The following JSRP1 variants were observed in gnomAD, a reference collection of about 807,000 sequenced individuals.
The protein encoded by JSRP1 is junctional sarcoplasmic reticulum protein 1.
A neutral mutation model predicts 21.4 loss-of-function variants in JSRP1; 29 were observed. The ratio of observed to expected loss-of-function variants is 1.36; its 90% CI spans 1.01 to 1.85. The LOEUF (loss-of-function observed/expected upper bound fraction) is 1.85, where lower values mean the gene tolerates loss of function less well. Among genes scored for constraint, JSRP1 ranks in the 40% most tolerant of loss-of-function variants. The probability of loss-of-function intolerance (pLI) is 0.00; values close to 1 mark genes in which losing one functional copy is unlikely to be tolerated. For missense variants in JSRP1, 531 were observed against 461.5 expected, an observed-to-expected ratio of 1.15 and a Z score of -1.38; for synonymous variants, 221 against 206.1, an observed-to-expected ratio of 1.07 and a Z score of -0.62.
chr19:2,255,536 C>T (rs2025135020), intron 1 of JSRP1, among the ~76,000 whole-genome samples, 192 bp from the exon 2 acceptor site: 1 of 152,242 alleles, frequency 6.6e-6, no homozygotes, highest in South Asian at 2.1e-4. Flanking sequence ...CATGCCTGCC[C>T]TGGGACCCCT....
At position 2,254,314 on chromosome 19, in the gene JSRP1, C is replaced by G. The variant is rs368521402; in HGVS notation, c.148-13G>C. On this transcript the variant is annotated splice_polypyrimidine_tract_variant and intron_variant, in intron 3 of 6. Transcript: ENST00000300961. ...CCACCTGAGAGTCCTGTGGTTATCACGAGACATTCCACATGTTTCCTTCCA... is the reference window on the plus strand; with the variant it reads ...CCACCTGAGAGTCCTGTGGTTATCAGGAGACATTCCACATGTTTCCTTCCA... 1.9e-6 allele frequency: 3 copies of G among 1,593,566 alleles called. No homozygotes were observed. Among genetic ancestry groups the G allele is most frequent in the Non-Finnish European group, 1.7e-6 (2 of 1,165,044 alleles).
rs756762928 is a variant in JSRP1 at position 2,255,246 on chromosome 19, G to A, written c.69C>T (p.Asp23=). ...CCTGGGTCTCGGCCAGCGCAGAGTGGTCCTCCAGGGCCTGGCAGCTGCCCA... is the reference window on the plus strand; with the variant it reads ...CCTGGGTCTCGGCCAGCGCAGAGTGATCCTCCAGGGCCTGGCAGCTGCCCA... ...GGLGSCQALE[D]HSALAETQED... Residue 23 remains aspartate (D), a synonymous_variant, in exon 2 of 7, where the codon GAC becomes GAT. Coordinates refer to ENST00000300961, the MANE Select transcript of JSRP1 (RefSeq NM_144616.4). 1.2e-6 allele frequency: 2 copies of A among 1,611,324 alleles called. No individual in the cohort carries two copies. Among genetic ancestry groups the A allele is most frequent in the Middle Eastern group, 1.7e-4 (1 of 6,012 alleles).
rs138952376 is a variant in JSRP1 at position 2,255,231 on chromosome 19, G to A, written c.84C>T (p.Ala28=). The change falls in exon 2 of 7, where the codon GCC becomes GCT. Residue 28 remains alanine, a synonymous_variant. Coordinates refer to ENST00000300961, the MANE Select transcript of JSRP1 (RefSeq NM_144616.4). ...CTGAAGCCCTGTCCTCCTGGGTCTC[G>A]GCCAGCGCAGAGTGGTCCTCCAGGG... ...CQALEDHSAL[A]ETQEDRASAT... 124 of 1,608,608 alleles carry A rather than the reference G, an allele frequency of 7.7e-5. No individual in the cohort carries two copies. In the African/African-American group the frequency reaches 1.2e-3, roughly 16 times the overall value.
intron 1 of JSRP1, among the ~76,000 whole-genome samples, 186 bp from the exon 2 acceptor site, chr19:2,255,530 C>T (rs1250069897): frequency 1.3e-5 from 2 of 152,220 alleles, no homozygotes; most frequent in Non-Finnish European, 2.9e-5. Flanking sequence ...ACCCCGCATG[C>T]CTGCCCTGGG....
At chr19:2,255,156 C>T (rs1283398881) in intron 2 of JSRP1, 50 bp downstream of exon 2, 1 of 1,322,738 alleles carries the variant, frequency 7.6e-7, no homozygotes, top group Admixed American at 2.0e-5. Flanking sequence ...CCTCCTGGCT[C>T]AAGGGGACCA....
rs751184806 is a variant in JSRP1, at chr19:2,252,545, CCTCT to C, written c.776_779del (p.Glu259GlyfsTer93). 9 of 1,612,894 alleles carry C rather than the reference CCTCT, an allele frequency of 5.6e-6. No individual in the cohort carries two copies. The Admixed American group carries it at 6.7e-5, about 12-fold the overall frequency. The stretch of plus-strand genomic sequence containing the variant: ...CCCGTGGCCTCTCCTCTTTCCGCGG[CCTCT>C]CTTTCTTAGGTCTCTCCTCCTTCCG... On this transcript the variant is annotated frameshift_variant, in exon 7 of 7. Coordinates refer to ENST00000300961, the MANE Select transcript of JSRP1 (RefSeq NM_144616.4). LOFTEE classifies it low-confidence loss of function (END_TRUNC).
chr19:2,252,729 G>A lies in JSRP1; in HGVS notation c.596C>T (p.Pro199Leu). The A allele has an allele frequency of 6.2e-7, 1 of 1,612,544 alleles. No individual in the cohort carries two copies. The change falls in exon 7 of 7, where the codon CCC becomes CTC. Residue 199 changes from proline to leucine, a missense_variant. Pro to Leu is a moderately conservative substitution (Grantham distance 98). Transcript: ENST00000300961. ...AGCCTCCCGACTCCCGGGAATCTTGGGTCTGACCTCTGCCTCGGCCCGGGG... is the reference window on the plus strand; with the variant it reads ...AGCCTCCCGACTCCCGGGAATCTTGAGTCTGACCTCTGCCTCGGCCCGGGG... ...PAPRAEAEVR[P>L]KIPGSREAAE...
intron 1 of JSRP1, among the ~76,000 whole-genome samples, 159 bp from the exon 2 acceptor site, chr19:2,255,503 C>T (rs2025134587): frequency 6.6e-6 from 1 of 152,348 alleles, no homozygotes; most frequent in East Asian, 1.9e-4. Context: ...CCGGCGCCCA[C>T]TCCAGGCATC....
Position 2,253,736 on chromosome 19 carries a change from G to A in JSRP1, c.320C>T (p.Pro107Leu), listed in dbSNP as rs1219027808. 7 of 1,486,452 alleles carry A rather than the reference G, an allele frequency of 4.7e-6. No homozygotes were observed. The highest frequency in any genetic ancestry group is 5.3e-6 in the Non-Finnish European group (6 of 1,126,708). 92.1% of individuals were successfully genotyped at this position (1,486,452 alleles called of 1,614,324 possible). A position where few individuals can be genotyped will look rare whatever the true frequency, so the allele number is the denominator to read the frequency against. Residue 107 changes from proline to leucine, a missense_variant, in exon 5 of 7, where the codon CCG (proline) becomes CTG (leucine). Physicochemically the swap from Pro to Leu is moderately conservative, Grantham distance 98. Coordinates refer to ENST00000300961, the MANE Select transcript of JSRP1 (RefSeq NM_144616.4). ...CTCGCTCAGGGCCGGGGGCGGCGGC[G>A]GCGGCTGCAGGGGCGGCGCGGTCTG... The part of the protein sequence containing the change: ...KAQTAPPLQP[P>L]PPPPALSEEL...
intron 1 of JSRP1, among the ~76,000 whole-genome samples, 159 bp downstream of exon 1, chr19:2,256,224 G>T (rs923790207): frequency 3.3e-5 from 5 of 152,214 alleles, no homozygotes; most frequent in Non-Finnish European, 7.3e-5. Flanking sequence ...GGCCCAAGAA[G>T]CATGGGAGGC....
chr19:2,254,283 C>G lies in JSRP1; in HGVS notation c.166G>C (p.Gly56Arg). ...SVPHDSQVAE[G>R]PSVDTRPKKM... ...TTGGGCCTGGTGTCCACACTGGGGCCTTCAGCCACCTGAGAGTCCTGTGGT... is the reference window on the plus strand; with the variant it reads ...TTGGGCCTGGTGTCCACACTGGGGCGTTCAGCCACCTGAGAGTCCTGTGGT... Residue 56 changes from glycine to arginine, a missense_variant, in exon 4 of 7, where the codon GGC becomes CGC. By Grantham distance (125) the Gly-to-Arg change is moderately radical (BLOSUM62 -2). Transcript: ENST00000300961. 3.1e-6 allele frequency: 5 copies of G among 1,600,834 alleles called. No homozygotes were observed. Among genetic ancestry groups the G allele is most frequent in the Non-Finnish European group, 4.3e-6 (5 of 1,172,020 alleles).
At chr19:2,254,144 C>G in intron 4 of JSRP1, 43 bp downstream of exon 4, 2 of 1,447,052 alleles carry the variant, frequency 1.4e-6, no homozygotes, top group Non-Finnish European at 1.9e-6. Context: ...TCACACCAGT[C>G]CGTTCCCACC....
intron 5 of JSRP1, among the ~76,000 whole-genome samples, 164 bp downstream of exon 5, chr19:2,253,456 G>A (rs904475811): frequency 1.3e-5 from 2 of 152,256 alleles, no homozygotes; most frequent in Non-Finnish European, 2.9e-5. Flanking sequence ...CGCAAGGCCC[G>A]TCACTTAAGG....
At chr19:2,252,822 G>A in intron 6 of JSRP1, 26 bp from the exon 7 acceptor site, 1 of 1,601,296 alleles carries the variant, frequency 6.2e-7, no homozygotes, top group Non-Finnish European at 8.5e-7. Context: ...GGGTCCTGGG[G>A]TAAGCGCCCA....
intron 2 of JSRP1, 74 bp from the exon 3 acceptor site, chr19:2,254,556 G>A: frequency 6.4e-7 from 1 of 1,551,246 alleles, no homozygotes; most frequent in South Asian, 1.1e-5. Flanking sequence ...GGCCCTGCTG[G>A]GTGACGTGCG....
chr19:2,255,361 A>G lies in JSRP1; in HGVS notation c.-30-17T>C, dbSNP rs1226712498. On this transcript the variant is annotated splice_polypyrimidine_tract_variant and intron_variant, in intron 1 of 6. Transcript: ENST00000300961. Reference sequence around the variant, plus strand: ...CAGGCCAGGCTGGGAGGGGTGGGGAACAAGGTCTTGCATTTACTGAGTCTC... The same window carrying G: ...CAGGCCAGGCTGGGAGGGGTGGGGAGCAAGGTCTTGCATTTACTGAGTCTC... 5 of 1,319,278 alleles carry G rather than the reference A, an allele frequency of 3.8e-6. No homozygotes were observed. Among genetic ancestry groups the G allele is most frequent in the Non-Finnish European group, 5.3e-6 (5 of 934,852 alleles). 81.7% of individuals were successfully genotyped at this position (1,319,278 alleles called of 1,614,324 possible). A position where few individuals can be genotyped will look rare whatever the true frequency, so the allele number is the denominator to read the frequency against.
chr19:2,253,218 A>G (rs756462679), intron 5 of JSRP1, among the ~76,000 whole-genome samples: 29 of 152,076 alleles, frequency 1.9e-4, no homozygotes, highest in Non-Finnish European at 4.1e-4. Context: ...TCAATTGGTC[A>G]TTCTTCCCCC....
rs375770236 is a variant in JSRP1, at chr19:2,254,283, C to A, written c.166G>T (p.Gly56Cys). 1.9e-5 allele frequency: 30 copies of A among 1,600,714 alleles called. No individual in the cohort carries two copies. Among genetic ancestry groups the A allele is most frequent in the Non-Finnish European group, 2.5e-5 (29 of 1,172,026 alleles). The change falls in exon 4 of 7, where the codon GGC becomes TGC. Residue 56 changes from glycine (G) to cysteine (C), a missense_variant. Physicochemically the swap from Gly to Cys is radical, Grantham distance 159. Coordinates refer to ENST00000300961, the MANE Select transcript of JSRP1 (RefSeq NM_144616.4). Reference sequence around the variant, plus strand: ...TTGGGCCTGGTGTCCACACTGGGGCCTTCAGCCACCTGAGAGTCCTGTGGT... The same window carrying A: ...TTGGGCCTGGTGTCCACACTGGGGCATTCAGCCACCTGAGAGTCCTGTGGT... Reference protein sequence around the residue: ...SVPHDSQVAEGPSVDTRPKKM... With the variant: ...SVPHDSQVAECPSVDTRPKKM...
At position 2,253,881 on chromosome 19, in the gene JSRP1, C is replaced by T. The variant is rs554327459; in HGVS notation, c.263-88G>A. On this transcript the variant is annotated intron_variant, in intron 4 of 6. Coordinates refer to ENST00000300961, the MANE Select transcript of JSRP1 (RefSeq NM_144616.4). Reference sequence around the variant, plus strand: ...GCAGGGGACAAGAGACAGGCCTGTGCCCTGAACCCGGCTCTCTCTGCCTGC... The same window carrying T: ...GCAGGGGACAAGAGACAGGCCTGTGTCCTGAACCCGGCTCTCTCTGCCTGC... 4.3e-4 allele frequency: 568 copies of T among 1,312,368 alleles called. 2 individuals are homozygous for T. In the African/African-American group the frequency reaches 8.1e-3, roughly 19 times the overall value. 81.3% of individuals were successfully genotyped at this position (1,312,368 alleles called of 1,614,324 possible). A position where few individuals can be genotyped will look rare whatever the true frequency, so the allele number is the denominator to read the frequency against.
Sources: allele counts gnomAD v4.1 joint callset (sites outside exome capture counted in the v4.1 genomes callset), GRCh38; gene constraint gnomAD v4.1.1; transcripts MANE v1.5; gene names NCBI Gene and HGNC (gene_info 2026-07-23, HGNC 2026-07-21).